CLOCK: variants seen among roughly 807,000 people sequenced by gnomAD.
CLOCK encodes the protein clock circadian regulator, also known as circadian locomoter output cycles protein kaput.
CLOCK carries 43 observed loss-of-function variants against 118.4 expected under a neutral mutation model. The ratio of observed to expected loss-of-function variants is 0.36; its 90% CI spans 0.28 to 0.47. CLOCK has a LOEUF of 0.47. CLOCK is among the 20% of genes least tolerant of loss of function. The pLI is 1.00. For missense variants in CLOCK, 846 were observed against 999.9 expected (o/e 0.85, Z 2.08); for synonymous variants, 326 against 339.2 (o/e 0.96, Z 0.43).
chr4:55,510,946 T>A (rs981661432), intron 1 of CLOCK, among the ~76,000 whole-genome samples: 2 of 152,120 alleles, frequency 1.3e-5, no homozygotes, highest in South Asian at 2.1e-4. Flanking sequence ...CAGAGCCCAT[T>A]TTAAACCCTT....
chr4:55,453,386 T>C lies in CLOCK; in HGVS notation c.1131-257A>G, dbSNP rs763550854. On this transcript the variant is annotated intron_variant, in intron 14 of 22. Transcript: ENST00000513440. The stretch of plus-strand genomic sequence containing the variant: ...TTAAGAAAAATAAATAAAGGAAGTG[T>C]ATGCTTATCTACCTACAGTTTTCCT... The C allele has an allele frequency of 2.0e-5, 10 of 491,844 alleles. No individual in the cohort carries two copies. In the East Asian group the frequency reaches 2.6e-4, roughly 13 times the overall value. 30.5% of individuals were successfully genotyped at this position (491,844 alleles called of 1,614,324 possible). A position where few individuals can be genotyped will look rare whatever the true frequency, so the allele number is the denominator to read the frequency against.
intron 2 of CLOCK, chr4:55,501,516 C>T: frequency 6.6e-6 from 1 of 152,032 alleles, no homozygotes; most frequent in Non-Finnish European, 1.5e-5. Context: ...CTCCTAGGCT[C>T]AAGTGGCCCT....
chr4:55,535,195 A>AT (rs1436581935), intron 1 of CLOCK, among the ~76,000 whole-genome samples: 1 of 145,614 alleles, frequency 6.9e-6, no homozygotes, highest in Non-Finnish European at 1.5e-5. Context: ...ATAAAAAAAA[A>AT]TTTTTTTGCT....
chr4:55,444,032 C>A (rs952466758), intron 19 of CLOCK, 136 bp from the exon 20 acceptor site: 14 of 685,822 alleles, frequency 2.0e-5, no homozygotes, highest in Middle Eastern at 8.0e-4. Flanking sequence ...GAAGAATTAG[C>A]AATAAATAAG....
intron 7 of CLOCK, among the ~76,000 whole-genome samples, chr4:55,471,946 T>C (rs537461539): frequency 6.6e-6 from 1 of 152,038 alleles, no homozygotes; most frequent in Non-Finnish European, 1.5e-5. Flanking sequence ...TGGTGGCACA[T>C]GCCTATGGTC....
At chr4:55,506,308 G>A (rs1728792159) in intron 2 of CLOCK, among the ~76,000 whole-genome samples, 1 of 151,842 alleles carries the variant, frequency 6.6e-6, no homozygotes, top group Non-Finnish European at 1.5e-5. Context: ...TCAGCCTCCT[G>A]GGTAGCTGGG....
chr4:55,454,237 T>A (rs749897638), intron 13 of CLOCK, among the ~76,000 whole-genome samples: 1 of 152,152 alleles, frequency 6.6e-6, no homozygotes, highest in East Asian at 1.9e-4. Context: ...AGTAACTGAG[T>A]CTGAAGTAAC....
At chr4:55,448,556 C>A (rs182692635) in intron 18 of CLOCK, among the ~76,000 whole-genome samples, 3 of 151,694 alleles carry the variant, frequency 2.0e-5, no homozygotes, top group African/African-American at 7.3e-5. Flanking sequence ...TTAAGATTCA[C>A]TGCATCTGTA....
chr4:55,468,886 C>T (rs1725919710), intron 8 of CLOCK, among the ~76,000 whole-genome samples: 1 of 152,148 alleles, frequency 6.6e-6, no homozygotes, highest in Admixed American at 6.5e-5. Flanking sequence ...TACAGTGGAG[C>T]TGAAACATTC....
chr4:55,494,268 AG>A (rs1727906976), intron 2 of CLOCK, among the ~76,000 whole-genome samples: 1 of 152,158 alleles, frequency 6.6e-6, no homozygotes, highest in Non-Finnish European at 1.5e-5. Context: ...AGGAAGAAAG[AG>A]GGAGCCCTGT....
chr4:55,470,017 T>A (rs1013995339), intron 8 of CLOCK, among the ~76,000 whole-genome samples: 7 of 152,152 alleles, frequency 4.6e-5, no homozygotes, highest in Admixed American at 1.3e-4. Context: ...TAAAAAAAAA[T>A]TTTAAGTTTA....
intron 15 of CLOCK, among the ~76,000 whole-genome samples, chr4:55,451,104 C>T (rs1039962627): frequency 5.9e-5 from 9 of 151,942 alleles, no homozygotes; most frequent in African/African-American, 2.2e-4. Context: ...CCCCATTTCT[C>T]TTCTCTTTGT....
chr4:55,473,430 A>C (rs572437412), intron 7 of CLOCK, among the ~76,000 whole-genome samples: 92 of 143,938 alleles, frequency 6.4e-4, no homozygotes, highest in Non-Finnish European at 1.3e-3. Flanking sequence ...AAATGTTTAT[A>C]ATATATTTAT....
intron 4 of CLOCK, among the ~76,000 whole-genome samples, chr4:55,480,891 A>AG (rs386400096): frequency 1.8e-3 from 2 of 1,104 alleles, no homozygotes; most frequent in Non-Finnish European, 2.4e-3. Context: ...ACTCTGTCTC[A>AG]AAAAAAAAAA....
At chr4:55,521,035 C>T (rs576071509) in intron 1 of CLOCK, among the ~76,000 whole-genome samples, 2 of 152,272 alleles carry the variant, frequency 1.3e-5, no homozygotes, top group African/African-American at 2.4e-5. Flanking sequence ...TTTGTCACAC[C>T]TCCAAGTCTA....
intron 1 of CLOCK, among the ~76,000 whole-genome samples, chr4:55,530,618 T>C (rs1730474478): frequency 6.6e-6 from 1 of 151,148 alleles, no homozygotes; most frequent in African/African-American, 2.4e-5. Flanking sequence ...CTATTAAAAA[T>C]ACAAAAATTA....
In CLOCK at chr4:55,434,174, A is replaced by G. The variant is rs1722711601; in HGVS notation, c.*1241T>C. 1.3e-5 allele frequency: 2 copies of G among 152,652 alleles called. No homozygotes were observed. The highest frequency in any genetic ancestry group is 4.8e-5 in the African/African-American group (2 of 41,460). 9.5% of individuals were successfully genotyped at this position (152,652 alleles called of 1,614,324 possible). A position where few individuals can be genotyped will look rare whatever the true frequency, so the allele number is the denominator to read the frequency against. Reference sequence around the variant, plus strand: ...CTACGGAAACCGGACAATGACTTCAAGATGGTGAGTTATCACCTGAATTAA... The same window carrying G: ...CTACGGAAACCGGACAATGACTTCAGGATGGTGAGTTATCACCTGAATTAA... On this transcript the variant is annotated 3_prime_UTR_variant, in exon 23 of 23. Coordinates refer to ENST00000513440, the MANE Select transcript of CLOCK (RefSeq NM_004898.4).
intron 6 of CLOCK, among the ~76,000 whole-genome samples, chr4:55,478,148 T>TA (rs397993430): frequency 4.6e-5 from 7 of 152,038 alleles, no homozygotes; most frequent in African/African-American, 7.2e-5. Flanking sequence ...AGGTTTTTTT[T>TA]AAATCTATTA....
intron 1 of CLOCK, among the ~76,000 whole-genome samples, chr4:55,512,201 C>T (rs1729197518): frequency 6.6e-6 from 1 of 152,096 alleles, no homozygotes; most frequent in African/African-American, 2.4e-5. Flanking sequence ...GCATTCTAAC[C>T]AGCAATGAAT....
Sources: gnomAD v4.1 joint callset for allele counts (sites outside exome capture counted in the v4.1 genomes callset) on GRCh38, gnomAD v4.1.1 for gene constraint, MANE v1.5 for transcripts, NCBI Gene and HGNC (gene_info 2026-07-23, HGNC 2026-07-21) for gene names.